The following OR56A3 variants were observed in gnomAD, a reference collection of about 807,000 sequenced individuals.
OR56A3 encodes the protein olfactory receptor family 56 subfamily A member 3.
Under a neutral mutation model 17.5 loss-of-function variants are expected in OR56A3, and 23 were observed. The observed-to-expected ratio is 1.32, with a 90% CI of 0.95 to 1.87. OR56A3 has a LOEUF of 1.87. OR56A3 is among the 40% of genes most tolerant of loss of function. The pLI, the probability that OR56A3 is intolerant of heterozygous loss-of-function variation, is 0.00. For synonymous variants in OR56A3, 175 were observed against 150.6 expected (o/e 1.16, Z -1.19); for missense variants, 366 against 380.1 (o/e 0.96, Z 0.31).
At chr11:5,982,918 C>G in the OR56A3 span, among the ~76,000 whole-genome samples, 1 of 152,270 alleles carries the variant, frequency 6.6e-6, no homozygotes, top group Admixed American at 6.5e-5. Flanking sequence ...CAACCCCATG[C>G]AGGATTTCCA....
chr11:5,971,659 G>C, the OR56A3 span, among the ~76,000 whole-genome samples: 1 of 152,174 alleles, frequency 6.6e-6, no homozygotes, highest in Non-Finnish European at 1.5e-5. Context: ...ACATAAATAT[G>C]AATCAAACTT....
the OR56A3 span, among the ~76,000 whole-genome samples, chr11:5,996,366 A>G: frequency 6.6e-6 from 1 of 152,174 alleles, no homozygotes; most frequent in Non-Finnish European, 1.5e-5. Context: ...GAACAGAGAT[A>G]ATCAACACAT....
At chr11:6,021,521 T>A in the OR56A3 span, 1 of 152,096 alleles carries the variant, frequency 6.6e-6, no homozygotes, top group African/African-American at 2.4e-5. Flanking sequence ...TGTATCAATT[T>A]TAAAATGAAT....
chr11:5,972,591 A>G, the OR56A3 span, among the ~76,000 whole-genome samples: 69 of 152,326 alleles, frequency 4.5e-4, 1 homozygote, highest in South Asian at 0.014. Flanking sequence ...ACACTGTCCC[A>G]TCCCCTTCTC....
the OR56A3 span, chr11:5,968,085 G>A: frequency 1.2e-6 from 2 of 1,613,692 alleles, no homozygotes; most frequent in Middle Eastern, 1.7e-4. Context: ...AGTGATGATG[G>A]ATGAGTACTG....
chr11:6,006,965 G>C, the OR56A3 span: 1 of 152,282 alleles, frequency 6.6e-6, no homozygotes, highest in African/African-American at 2.4e-5. Flanking sequence ...TTTTCTACAG[G>C]AGCTGCAGAG....
At chr11:5,962,170 T>C in the OR56A3 span, among the ~76,000 whole-genome samples, 7 of 152,252 alleles carry the variant, frequency 4.6e-5, no homozygotes, top group African/African-American at 1.7e-4. Flanking sequence ...TTTCATTTTG[T>C]TAATGTGATG....
the OR56A3 span, chr11:5,986,855 A>T: frequency 6.2e-7 from 1 of 1,613,864 alleles, no homozygotes; most frequent in Non-Finnish European, 8.5e-7. Context: ...GAAGGCTGGG[A>T]TAGCCTCCAG....
At chr11:6,001,781 G>A in the OR56A3 span, 1 of 364,704 alleles carries the variant, frequency 2.7e-6, no homozygotes, top group Non-Finnish European at 4.9e-6. Context: ...ATTTGTCAAA[G>A]TCTTGGCAAG....
chr11:5,985,200 G>GT, the OR56A3 span, among the ~76,000 whole-genome samples: 1 of 152,050 alleles, frequency 6.6e-6, no homozygotes, highest in South Asian at 2.1e-4. Flanking sequence ...TTACTTTTGG[G>GT]TTTTTTAATG....
At chr11:5,967,591 T>C in the OR56A3 span, 1 of 1,607,568 alleles carries the variant, frequency 6.2e-7, no homozygotes. Flanking sequence ...CCCTGCTTGA[T>C]CTCCTTGGTT....
the OR56A3 span, chr11:5,968,150 G>C: frequency 2.5e-5 from 40 of 1,614,180 alleles, no homozygotes; most frequent in Non-Finnish European, 3.2e-5. Flanking sequence ...TGAATGTGCA[G>C]GACTCCATAG....
chr11:6,004,285 C>T, the OR56A3 span, among the ~76,000 whole-genome samples: 82 of 151,892 alleles, frequency 5.4e-4, 1 homozygote, highest in East Asian at 0.013. Context: ...ACCTGGGGGG[C>T]GGAGGTTGCA....
the OR56A3 span, chr11:6,019,649 G>A: frequency 2.6e-5 from 4 of 151,948 alleles, no homozygotes; most frequent in African/African-American, 9.7e-5. Context: ...AGAATTATGG[G>A]TGCAGGAAAG....
downstream of OR56A3, among the ~76,000 whole-genome samples, chr11:5,952,190 A>G (rs10769386): frequency 0.23 from 34,896 of 152,176 alleles, 4,238 homozygotes; most frequent in East Asian, 0.28. Context: ...AATGTCAACA[A>G]TTTGAAAGTA....
the OR56A3 span, among the ~76,000 whole-genome samples, chr11:5,973,766 A>T: frequency 6.6e-6 from 1 of 152,208 alleles, no homozygotes; most frequent in Admixed American, 6.5e-5. Context: ...GGCCTAGTTC[A>T]ACTGAGCTTT....
At position 5,948,636 on chromosome 11, in the gene OR56A3, G is replaced by A. The variant is rs1227703705; in HGVS notation, c.*342G>A. The A allele has an allele frequency of 4.5e-6, 1 of 220,828 alleles. No homozygotes were observed. Among genetic ancestry groups the A allele is most frequent in the South Asian group, 9.9e-5 (1 of 10,148 alleles). The allele number at this position is 220,828 out of a possible 1,614,324, so 13.7% of individuals were successfully genotyped here. A position where few individuals can be genotyped will look rare whatever the true frequency, so the allele number is the denominator to read the frequency against. The stretch of plus-strand genomic sequence containing the variant: ...TTGTATCATTAAAAATACAACTGCG[G>A]TTATTTTGTTGTGTCTGTTATGTGT... On this transcript the variant is annotated 3_prime_UTR_variant, in exon 3 of 3. Coordinates refer to ENST00000641160, the MANE Select transcript of OR56A3 (RefSeq NM_001003443.3).
the OR56A3 span, among the ~76,000 whole-genome samples, chr11:5,990,606 A>G: frequency 2.0e-5 from 3 of 152,036 alleles, no homozygotes; most frequent in Admixed American, 6.5e-5. Context: ...CCTGATCTCT[A>G]TGATAATAGG....
At chr11:5,955,736 A>G (rs1209924038), downstream of OR56A3, among the ~76,000 whole-genome samples, 7 of 152,142 alleles carry the variant, frequency 4.6e-5, no homozygotes, top group Admixed American at 4.6e-4. Flanking sequence ...CTTGAAACAT[A>G]ATTTTTCTCT....
Sources: allele counts gnomAD v4.1 joint callset (sites outside exome capture counted in the v4.1 genomes callset), GRCh38; gene constraint gnomAD v4.1.1; transcripts MANE v1.5; gene names NCBI Gene and HGNC (gene_info 2026-07-23, HGNC 2026-07-21).